CNTNAP2: variants seen among roughly 807,000 people sequenced by gnomAD.
CNTNAP2 encodes the protein contactin associated protein 2, also known as contactin-associated protein-like 2.
CNTNAP2 carries 98 observed loss-of-function variants against 155.2 expected under a neutral mutation model. That is an observed-to-expected ratio of 0.63 (90% CI 0.54 to 0.75). The LOEUF (loss-of-function observed/expected upper bound fraction) is 0.75. Ranked by LOEUF, CNTNAP2 falls within the 30% of genes least tolerant of loss-of-function variation. The pLI, the probability that CNTNAP2 is intolerant of heterozygous loss-of-function variation, is 0.00. For synonymous variants in CNTNAP2, 651 were observed against 631.2 expected, an observed-to-expected ratio of 1.03 and a Z score of -0.47; for missense variants, 1,727 against 1,688.1, an observed-to-expected ratio of 1.02 and a Z score of -0.40.
intron 8 of CNTNAP2, among the ~76,000 whole-genome samples, chr7:147,190,043 C>A (rs1802651589): frequency 6.6e-6 from 1 of 152,052 alleles, no homozygotes. Flanking sequence ...CGTGCCCACC[C>A]TTAACACCAC....
intron 15 of CNTNAP2, among the ~76,000 whole-genome samples, chr7:148,113,143 G>A (rs752585037): frequency 2.0e-5 from 3 of 152,120 alleles, no homozygotes; most frequent in Non-Finnish European, 4.4e-5. Context: ...ACCTGAGACT[G>A]GGTAATTTAT....
chr7:148,090,289 A>G (rs1803813585), intron 15 of CNTNAP2, among the ~76,000 whole-genome samples: 1 of 152,132 alleles, frequency 6.6e-6, no homozygotes, highest in South Asian at 2.1e-4. Context: ...TCTGCACAAC[A>G]AAGGAAACAA....
chr7:146,216,879 C>T (rs543651350), intron 1 of CNTNAP2, among the ~76,000 whole-genome samples: 3 of 152,076 alleles, frequency 2.0e-5, no homozygotes, highest in Non-Finnish European at 4.4e-5. Flanking sequence ...AAAATTTGGT[C>T]GGTGATGAGT....
intron 23 of CNTNAP2, among the ~76,000 whole-genome samples, chr7:148,413,720 C>A (rs1363458178): frequency 2.6e-5 from 4 of 151,954 alleles, no homozygotes; most frequent in South Asian, 4.2e-4. Flanking sequence ...CCTACCAGTT[C>A]TGCCCGTTTT....
In CNTNAP2 at chr7:146,663,302, A is replaced by G. The variant is rs572338232; in HGVS notation, c.98-110969A>G. 6.9e-5 allele frequency among the ~76,000 whole-genome samples: 10 copies of G among 145,584 alleles called. No individual in the cohort carries two copies. In the South Asian group the frequency reaches 1.8e-3, roughly 26 times the overall value. ...CAAAAAAAAAAAAAAAAAAAAAGAA[A>G]GAAAGAAAAAGAAAGGAAAAAAAAA... On this transcript the variant is annotated intron_variant, in intron 1 of 23. Coordinates refer to ENST00000361727, the MANE Select transcript of CNTNAP2 (RefSeq NM_014141.6).
chr7:148,105,584 TA>T (rs1464724103), intron 15 of CNTNAP2, among the ~76,000 whole-genome samples: 25 of 139,414 alleles, frequency 1.8e-4, no homozygotes, highest in African/African-American at 5.1e-4. Context: ...TTTTATTTTT[TA>T]TTTTTTTTTT....
At chr7:146,941,411 A>G (rs1326499345) in intron 3 of CNTNAP2, among the ~76,000 whole-genome samples, 1 of 152,148 alleles carries the variant, frequency 6.6e-6, no homozygotes, top group Non-Finnish European at 1.5e-5. Context: ...TCAATTTTGG[A>G]TGTCACAACT....
intron 13 of CNTNAP2, among the ~76,000 whole-genome samples, chr7:147,676,433 G>A (rs1795870777): frequency 6.6e-6 from 1 of 151,818 alleles, no homozygotes; most frequent in Non-Finnish European, 1.5e-5. Flanking sequence ...ATAATATATT[G>A]TTTTGAAGTC....
chr7:146,196,782 A>G (rs915830452), intron 1 of CNTNAP2, among the ~76,000 whole-genome samples: 8 of 152,164 alleles, frequency 5.3e-5, no homozygotes, highest in African/African-American at 1.9e-4. Flanking sequence ...ACATATGCAT[A>G]AAGAGACATA....
chr7:148,354,570 A>T (rs1430461025), intron 21 of CNTNAP2, among the ~76,000 whole-genome samples: 1 of 151,996 alleles, frequency 6.6e-6, no homozygotes, highest in East Asian at 1.9e-4. Flanking sequence ...TCAGGAGCTC[A>T]AAAGAAGAGG....
intron 3 of CNTNAP2, among the ~76,000 whole-genome samples, chr7:146,894,428 GT>G (rs908993605): frequency 2.0e-5 from 3 of 151,912 alleles, no homozygotes; most frequent in African/African-American, 7.2e-5. Context: ...AACTCTGTGT[GT>G]TTTTTGTTGT....
intron 10 of CNTNAP2, among the ~76,000 whole-genome samples, chr7:147,452,130 A>T (rs958029930): frequency 3.3e-5 from 5 of 152,254 alleles, no homozygotes; most frequent in Non-Finnish European, 7.3e-5. Flanking sequence ...ATGAAATGAC[A>T]TGAGTGTTTT....
chr7:146,322,279 T>A (rs922391329), intron 1 of CNTNAP2, among the ~76,000 whole-genome samples: 6 of 152,178 alleles, frequency 3.9e-5, no homozygotes, highest in African/African-American at 1.4e-4. Flanking sequence ...AGATATTGCC[T>A]GCTTCACAGT....
chr7:146,341,172 T>C (rs6944247), intron 1 of CNTNAP2, among the ~76,000 whole-genome samples: 4 of 152,174 alleles, frequency 2.6e-5, no homozygotes, highest in Non-Finnish European at 5.9e-5. Flanking sequence ...TTTATTCATG[T>C]TATTTTTCTA....
intron 8 of CNTNAP2, among the ~76,000 whole-genome samples, chr7:147,152,039 G>A (rs185071613): frequency 3.3e-5 from 5 of 152,254 alleles, no homozygotes; most frequent in East Asian, 1.9e-4. Context: ...ATGGTGGAAA[G>A]CATCATGTCT....
At chr7:148,323,256 CCTT>C (rs1350177578) in intron 21 of CNTNAP2, among the ~76,000 whole-genome samples, 1 of 141,210 alleles carries the variant, frequency 7.1e-6, no homozygotes, top group East Asian at 2.1e-4. Context: ...AATCCATGGT[CCTT>C]CTTCTGTGCC....
chr7:146,928,925 G>A (rs1796675645), intron 3 of CNTNAP2, among the ~76,000 whole-genome samples: 1 of 152,220 alleles, frequency 6.6e-6, no homozygotes. Context: ...GGTAAACAAA[G>A]CAGCCAGGAA....
chr7:147,217,169 T>C (rs1290831052), intron 8 of CNTNAP2, among the ~76,000 whole-genome samples: 1 of 151,938 alleles, frequency 6.6e-6, no homozygotes, highest in Non-Finnish European at 1.5e-5. Context: ...CTGCATTAGA[T>C]AGGACTCTCA....
chr7:147,860,589 CA>C (rs11342244), intron 13 of CNTNAP2, among the ~76,000 whole-genome samples: 1,497 of 124,154 alleles, frequency 0.012, 30 homozygotes, highest in Middle Eastern at 0.025. Context: ...GACTCTGTCT[CA>C]AAAAAAAAAA....
Sources: gnomAD v4.1 joint callset for allele counts (sites outside exome capture counted in the v4.1 genomes callset) on GRCh38, gnomAD v4.1.1 for gene constraint, MANE v1.5 for transcripts, NCBI Gene and HGNC (gene_info 2026-07-23, HGNC 2026-07-21) for gene names.